DIP2A: variants seen among roughly 807,000 people sequenced by gnomAD.
DIP2A encodes the protein DIP2 acetate--CoA ligase A, also known as disco-interacting protein 2 homolog A.
DIP2A carries 85 observed loss-of-function variants against 177.4 expected under a neutral mutation model. The observed-to-expected ratio is 0.48, with a 90% CI of 0.40 to 0.57. The LOEUF is 0.57. Among genes scored for constraint, DIP2A ranks in the 20% least tolerant of loss-of-function variants. The pLI, the probability that DIP2A is intolerant of heterozygous loss-of-function variation, is 0.00. For synonymous variants in DIP2A, 886 were observed against 881.8 expected (o/e 1.00, Z -0.08); for missense variants, 1,791 against 2,100.2 (o/e 0.85, Z 2.88).
chr21:46,476,895 G>T (rs1666992198), intron 1 of DIP2A, among the ~76,000 whole-genome samples: 1 of 152,254 alleles, frequency 6.6e-6, no homozygotes, highest in South Asian at 2.1e-4. Flanking sequence ...GACCTCAAAT[G>T]ATCTGCCTGC....
intron 22 of DIP2A, 81 bp from the exon 23 acceptor site, chr21:46,550,462 A>G: frequency 7.4e-7 from 1 of 1,348,060 alleles, no homozygotes; most frequent in Non-Finnish European, 1.0e-6. Context: ...AGGTCCACAG[A>G]GGGGATGTTC....
chr21:46,574,495 A>G (rs1439598998), downstream of DIP2A, among the ~76,000 whole-genome samples: 1 of 152,134 alleles, frequency 6.6e-6, no homozygotes, highest in Non-Finnish European at 1.5e-5. Flanking sequence ...GATGAGAGAC[A>G]ATAGAAAAAC....
intron 34 of DIP2A, among the ~76,000 whole-genome samples, chr21:46,562,908 A>G (rs976396745): frequency 1.3e-5 from 2 of 152,064 alleles, no homozygotes; most frequent in Admixed American, 6.5e-5. Context: ...TCCTTGGTGT[A>G]AACTCAGCGG....
intron 9 of DIP2A, among the ~76,000 whole-genome samples, chr21:46,529,974 A>G (rs1052930663): frequency 1.9e-4 from 29 of 152,194 alleles, no homozygotes; most frequent in African/African-American, 7.0e-4. Context: ...AATTAACCAA[A>G]ATTAAATAAA....
At position 46,537,109 on chromosome 21, in the gene DIP2A, T is replaced by G; in HGVS notation, c.1643-115T>G. ...GTATGTGGTATTTGGAAATGCTGTATCTGTTCCTGAAACTTACATGTTGAT... is the reference window on the plus strand; with the variant it reads ...GTATGTGGTATTTGGAAATGCTGTAGCTGTTCCTGAAACTTACATGTTGAT... On this transcript the variant is annotated intron_variant, in intron 13 of 37. Transcript: ENST00000417564. This position sits in a 1 kb window ranked among gnomAD's most constrained non-coding sequence, Gnocchi z 4.1. The G allele has an allele frequency of 1.1e-6, 1 of 944,918 alleles. No homozygotes were observed. The highest frequency in any genetic ancestry group is 1.3e-5 in the South Asian group (1 of 75,140). The allele number at this position is 944,918 out of a possible 1,614,324, so 58.5% of individuals were successfully genotyped here. A position where few individuals can be genotyped will look rare whatever the true frequency, so the allele number is the denominator to read the frequency against.
intron 8 of DIP2A, among the ~76,000 whole-genome samples, chr21:46,513,651 T>G (rs1320903064): frequency 6.6e-6 from 1 of 152,160 alleles, no homozygotes; most frequent in Non-Finnish European, 1.5e-5. Flanking sequence ...CTAGTTCAAT[T>G]TGAGTAGAAT....
At chr21:46,483,006 A>C (rs1286951143) in intron 1 of DIP2A, among the ~76,000 whole-genome samples, 3 of 152,176 alleles carry the variant, frequency 2.0e-5, no homozygotes, top group African/African-American at 7.2e-5. Context: ...AGCACTGAGC[A>C]TGTTGGTGTG....
chr21:46,570,355 G>C (rs549226640), downstream of DIP2A, among the ~76,000 whole-genome samples: 19 of 152,288 alleles, frequency 1.2e-4, no homozygotes, highest in Admixed American at 7.8e-4. Context: ...CAATTTGATA[G>C]GCAAATAAGT....
chr21:46,511,573 C>T lies in DIP2A; in HGVS notation c.1061C>T (p.Ala354Val). The change falls in exon 8 of 38, where the codon GCC (alanine) becomes GTC (valine). Residue 354 changes from alanine (A) to valine (V), a missense_variant. Transcript: ENST00000417564. ...TTQPKSPCLT[A>V]LDTTGKAVYT... ...CAGCCCAAATCCCCCTGTCTGACTG[C>T]CTTGGATACAACTGGGAAAGCCGTC... 1 of 1,577,906 alleles carries T rather than the reference C, an allele frequency of 6.3e-7. No homozygotes were observed. Among genetic ancestry groups the T allele is most frequent in the East Asian group, 2.3e-5 (1 of 44,096 alleles).
At chr21:46,582,346 C>G in the DIP2A span, among the ~76,000 whole-genome samples, 13 of 152,192 alleles carry the variant, frequency 8.5e-5, no homozygotes, top group South Asian at 2.1e-4. Context: ...CGCCCCTCCC[C>G]CTAGGTACTC....
intron 5 of DIP2A, among the ~76,000 whole-genome samples, chr21:46,501,926 T>C (rs2839297): frequency 0.4 from 61,243 of 152,016 alleles, 12,478 homozygotes; most frequent in Admixed American, 0.42. Flanking sequence ...TCAAGGGTTG[T>C]GAAAAATCTT....
At chr21:46,484,863 T>TATA (rs1214258911) in intron 2 of DIP2A, 35 bp downstream of exon 2, 1 of 1,501,884 alleles carries the variant, frequency 6.7e-7, no homozygotes, top group Non-Finnish European at 8.9e-7. Flanking sequence ...ACATAGCAAT[T>TATA]ATATTGTTTC....
At chr21:46,501,768 A>T (rs899133217) in intron 5 of DIP2A, among the ~76,000 whole-genome samples, 2 of 152,194 alleles carry the variant, frequency 1.3e-5, no homozygotes, top group African/African-American at 2.4e-5. Flanking sequence ...ATGTATGTAT[A>T]CCATGTATAC....
intron 9 of DIP2A, among the ~76,000 whole-genome samples, chr21:46,529,578 C>T (rs570237385): frequency 4.0e-5 from 6 of 148,514 alleles, no homozygotes; most frequent in East Asian, 2.0e-4. Flanking sequence ...TCCAGCCTGG[C>T]GACAGAGTGA....
chr21:46,566,663 A>G lies in DIP2A; in HGVS notation c.4443A>G (p.Ala1481=), dbSNP rs1207377180. Reference sequence around the variant, plus strand: ...ACATTGAGACCTCTGTCATCCGAGCACACAGGAGCATCGCTGAGTGGTAAG... The same window carrying G: ...ACATTGAGACCTCTGTCATCCGAGCGCACAGGAGCATCGCTGAGTGGTAAG... The part of the protein sequence containing the change: ...PIDIETSVIR[A]HRSIAECAVF... Residue 1481 remains alanine, a synonymous_variant, in exon 37 of 38, where the codon GCA becomes GCG. Coordinates refer to ENST00000417564, the MANE Select transcript of DIP2A (RefSeq NM_015151.4). The G allele has an allele frequency of 6.2e-7, 1 of 1,614,090 alleles. No individual in the cohort carries two copies. The highest frequency in any genetic ancestry group is 1.7e-5 in the Admixed American group (1 of 60,010).
At chr21:46,501,955 A>G (rs1057355129) in intron 5 of DIP2A, among the ~76,000 whole-genome samples, 1 of 152,200 alleles carries the variant, frequency 6.6e-6, no homozygotes, top group African/African-American at 2.4e-5. Context: ...AGATTTTTTC[A>G]AAAGGTATAT....
intron 5 of DIP2A, among the ~76,000 whole-genome samples, chr21:46,501,512 T>G (rs1292838236): frequency 6.6e-6 from 1 of 152,152 alleles, no homozygotes; most frequent in East Asian, 1.9e-4. Flanking sequence ...CTTGAACTCC[T>G]GGGCTTAAGA....
chr21:46,498,719 T>C lies in DIP2A; in HGVS notation c.541T>C (p.Ser181Pro). The change falls in exon 5 of 38, where the codon TCC (serine) becomes CCC (proline). Residue 181 changes from serine to proline, a missense_variant. By Grantham distance (74) the Ser-to-Pro change is moderately conservative. Transcript: ENST00000417564. The surrounding 1 kb of genome is among the most constrained non-coding windows in gnomAD (Gnocchi z 4.3). ...GGGCTCGTCCACCTCATCCTCTGCATCCTCCACCTCATCTCACCCGGGAGG... is the reference window on the plus strand; with the variant it reads ...GGGCTCGTCCACCTCATCCTCTGCACCCTCCACCTCATCTCACCCGGGAGG... ...IQGSSTSSSA[S>P]STSSHPGGRP... 9 of 1,613,844 alleles carry C rather than the reference T, an allele frequency of 5.6e-6. No homozygotes were observed. Among genetic ancestry groups the C allele is most frequent in the Non-Finnish European group, 6.8e-6 (8 of 1,179,868 alleles).
intron 8 of DIP2A, among the ~76,000 whole-genome samples, chr21:46,524,858 A>AT (rs1217597604): frequency 1.8e-5 from 1 of 56,954 alleles, no homozygotes; most frequent in African/African-American, 7.6e-5. Context: ...TTCTTTTATG[A>AT]TTTTTGCTTT....
Sources: gnomAD v4.1 joint callset for allele counts (sites outside exome capture counted in the v4.1 genomes callset) on GRCh38, gnomAD v4.1.1 for gene constraint, Gnocchi (gnomAD v3.1) non-coding constraint, MANE v1.5 for transcripts, NCBI Gene and HGNC (gene_info 2026-07-23, HGNC 2026-07-21) for gene names.